The following ITPRID1 variants were observed in gnomAD, a reference collection of about 807,000 sequenced individuals.
ITPRID1 encodes ITPR interacting domain containing 1, also known as protein ITPRID1.
In ITPRID1, 96 loss-of-function variants were observed where a neutral mutation model predicts 95.4. The ratio of observed to expected loss-of-function variants is 1.01; its 90% CI spans 0.85 to 1.19. The LOEUF (loss-of-function observed/expected upper bound fraction) is 1.19, where lower values mean the gene tolerates loss of function less well. ITPRID1 is among the 50% of genes most tolerant of loss of function. ITPRID1 has a pLI of 0.00. For missense variants in ITPRID1, 1,339 were observed against 1,252.9 expected, an observed-to-expected ratio of 1.07 and a Z score of -1.04; for synonymous variants, 510 against 453.6, an observed-to-expected ratio of 1.12 and a Z score of -1.58.
rs1326966668 is a variant in ITPRID1 at position 31,621,408 on chromosome 7, TC to T, written c.1229-20767del. 1.8e-4 allele frequency among the ~76,000 whole-genome samples: 9 copies of T among 48,706 alleles called. No individual in the cohort carries two copies. In the East Asian group the frequency reaches 5.0e-3, roughly 27 times the overall value. The allele number at this position is 48,706 out of a possible 152,430, so 32.0% of individuals were successfully genotyped here. ...GCCCATCAGACTAACAGCGGATCTC[TC>T]GGCAGAAACCCTACAAGCCAGAAGA... On this transcript the variant is annotated intron_variant, in intron 10 of 14. Coordinates refer to ENST00000615280, the MANE Select transcript of ITPRID1 (RefSeq NM_001257967.3).
At chr7:31,532,269 T>C (rs1783622394) in intron 1 of ITPRID1, among the ~76,000 whole-genome samples, 1 of 152,204 alleles carries the variant, frequency 6.6e-6, no homozygotes. Context: ...CCACATTGTT[T>C]ATTAGAAAAA....
chr7:31,553,100 T>C lies in ITPRID1; in HGVS notation c.76T>C (p.Cys26Arg). 2 of 1,605,416 alleles carry C rather than the reference T, an allele frequency of 1.2e-6. No individual in the cohort carries two copies. The highest frequency in any genetic ancestry group is 1.7e-6 in the Non-Finnish European group (2 of 1,175,736). The change falls in exon 3 of 15, where the codon TGC (cysteine) becomes CGC (arginine). Residue 26 changes from cysteine to arginine, a missense_variant. Cys to Arg is a radical substitution (Grantham distance 180). Coordinates refer to ENST00000615280, the MANE Select transcript of ITPRID1 (RefSeq NM_001257967.3). Reference sequence around the variant, plus strand: ...AAAGAGCAAGAGAGAGATCCTGAAGTGCACCAAAAGCGCGTGGGCTCCGCT... The same window carrying C: ...AAAGAGCAAGAGAGAGATCCTGAAGCGCACCAAAAGCGCGTGGGCTCCGCT... ...QEKSKREILK[C>R]TKSAWAPLDE...
At chr7:31,612,424 G>C (rs1786914973) in intron 10 of ITPRID1, among the ~76,000 whole-genome samples, 1 of 151,966 alleles carries the variant, frequency 6.6e-6, no homozygotes, top group Non-Finnish European at 1.5e-5. Flanking sequence ...TCTTGTGATG[G>C]TTTGTTGTAA....
intron 10 of ITPRID1, among the ~76,000 whole-genome samples, chr7:31,622,750 C>T (rs1788035951): frequency 6.6e-6 from 1 of 152,012 alleles, no homozygotes; most frequent in Non-Finnish European, 1.5e-5. Context: ...CAAGAAATAA[C>T]TAAAATCAGA....
At chr7:31,515,284 TAA>T (rs58554033) in intron 1 of ITPRID1, among the ~76,000 whole-genome samples, 47 of 146,266 alleles carry the variant, frequency 3.2e-4, no homozygotes, top group Admixed American at 3.4e-4. Flanking sequence ...CAGCAGTGGT[TAA>T]AAAAAAAAAA....
intron 1 of ITPRID1, among the ~76,000 whole-genome samples, chr7:31,517,011 C>T: frequency 6.6e-6 from 1 of 152,142 alleles, no homozygotes; most frequent in East Asian, 1.9e-4. Flanking sequence ...AACTACAGAC[C>T]TCTACCGTGT....
chr7:31,597,403 G>C (rs1158337309), intron 10 of ITPRID1, among the ~76,000 whole-genome samples: 3 of 151,480 alleles, frequency 2.0e-5, no homozygotes, highest in Non-Finnish European at 4.4e-5. Flanking sequence ...GAATAATAAG[G>C]TTTAACAAGT....
chr7:31,596,380 C>A (rs1276997890), intron 10 of ITPRID1, among the ~76,000 whole-genome samples: 1 of 79,818 alleles, frequency 1.3e-5, no homozygotes, highest in African/African-American at 4.9e-5. Flanking sequence ...TTTAGAGAAA[C>A]CTCATAGGAA....
In ITPRID1 at chr7:31,585,532, A is replaced by T. The variant is rs191427961; in HGVS notation, c.1228+2341A>T. On this transcript the variant is annotated intron_variant, in intron 10 of 14. Coordinates refer to ENST00000615280, the MANE Select transcript of ITPRID1 (RefSeq NM_001257967.3). ...GAAGAGGAGGAGAAGTCTATCATTC[A>T]TATTCTCTAAGACTAGGACTTTGTG... Among the ~76,000 whole-genome samples the T allele has an allele frequency of 4.6e-5, 7 of 152,334 alleles. No individual in the cohort carries two copies. In the East Asian group the frequency reaches 1.2e-3, roughly 25 times the overall value.
chr7:31,585,322 A>G (rs1207173621), intron 10 of ITPRID1, among the ~76,000 whole-genome samples: 1 of 152,212 alleles, frequency 6.6e-6, no homozygotes, highest in South Asian at 2.1e-4. Context: ...TCTGCATACT[A>G]GCAGAAAAAT....
intron 10 of ITPRID1, among the ~76,000 whole-genome samples, chr7:31,588,766 G>C (rs1785736988): frequency 6.6e-6 from 1 of 151,882 alleles, no homozygotes; most frequent in African/African-American, 2.4e-5. Context: ...CAAATTCTAG[G>C]AATTAAATCT....
At chr7:31,577,265 G>A (rs1785217812) in intron 8 of ITPRID1, among the ~76,000 whole-genome samples, 2 of 152,234 alleles carry the variant, frequency 1.3e-5, no homozygotes, top group South Asian at 2.1e-4. Flanking sequence ...CATGAGACAT[G>A]AAAATACTGG....
intron 10 of ITPRID1, among the ~76,000 whole-genome samples, chr7:31,616,390 T>C (rs1787232162): frequency 6.7e-6 from 1 of 148,228 alleles, no homozygotes; most frequent in South Asian, 2.2e-4. Flanking sequence ...TCTTAGAGTT[T>C]TGTTCTGAAT....
At chr7:31,623,996 A>G (rs1194862619) in intron 10 of ITPRID1, among the ~76,000 whole-genome samples, 1 of 149,486 alleles carries the variant, frequency 6.7e-6, no homozygotes, top group African/African-American at 2.5e-5. Context: ...CAGAGAGCCA[A>G]ATCATGAGTG....
intron 10 of ITPRID1, among the ~76,000 whole-genome samples, chr7:31,622,201 G>A (rs6972480): frequency 7.8e-6 from 1 of 128,904 alleles, no homozygotes. Context: ...ATCAACGAGA[G>A]AGAAAGTCAA....
chr7:31,649,619 G>A (rs1406291780), intron 12 of ITPRID1, among the ~76,000 whole-genome samples: 1 of 152,168 alleles, frequency 6.6e-6, no homozygotes, highest in African/African-American at 2.4e-5. Context: ...TTTGGGAAGG[G>A]GTCCAAGCCT....
intron 1 of ITPRID1, among the ~76,000 whole-genome samples, chr7:31,536,828 A>C (rs1230377150): frequency 6.6e-6 from 1 of 152,120 alleles, no homozygotes; most frequent in Non-Finnish European, 1.5e-5. Flanking sequence ...CTTCAGTCTT[A>C]AGCAGGCCTC....
intron 1 of ITPRID1, among the ~76,000 whole-genome samples, chr7:31,528,672 T>C (rs532570925): frequency 2.6e-4 from 39 of 152,156 alleles, no homozygotes; most frequent in Non-Finnish European, 5.1e-4. Flanking sequence ...ATCTTGCTCA[T>C]TGATGCTTGG....
chr7:31,519,618 C>CTATATATATATATATATATATATATA (rs1436134437), intron 1 of ITPRID1, among the ~76,000 whole-genome samples: 1 of 31,696 alleles, frequency 3.2e-5, no homozygotes, highest in African/African-American at 1.1e-4. Context: ...CTCTCTCTCT[C>CTATATATATATATATATATATATATA]TCTATATATA....
Sources: gnomAD v4.1 joint callset for allele counts (sites outside exome capture counted in the v4.1 genomes callset) on GRCh38, gnomAD v4.1.1 for gene constraint, MANE v1.5 for transcripts, NCBI Gene and HGNC (gene_info 2026-07-23, HGNC 2026-07-21) for gene names.